TMEM50B: variants seen among roughly 807,000 people sequenced by gnomAD.
The protein encoded by TMEM50B is transmembrane protein 50B.
Under a neutral mutation model 23.4 loss-of-function variants are expected in TMEM50B, and 14 were observed. The observed-to-expected ratio is 0.60, with a 90% CI of 0.39 to 0.93. TMEM50B has a LOEUF of 0.93. Among genes scored for constraint, TMEM50B ranks in the 40% least tolerant of loss-of-function variants. The probability of loss-of-function intolerance (pLI) is 0.00; values close to 1 mark genes in which losing one functional copy is unlikely to be tolerated. For synonymous variants in TMEM50B, 64 were observed against 62.3 expected, an observed-to-expected ratio of 1.03 and a Z score of -0.13; for missense variants, 159 against 193.0, an observed-to-expected ratio of 0.82 and a Z score of 1.04.
intron 4 of TMEM50B, 124 bp downstream of exon 4, chr21:33,465,218 A>G: frequency 1.6e-6 from 1 of 616,760 alleles, no homozygotes; most frequent in South Asian, 2.8e-5. Flanking sequence ...TTTGTTTTAA[A>G]GCAAATAAAA....
rs781476011 is a variant in TMEM50B at position 33,465,455 on chromosome 21, AAAATACTC to A, written c.213-54_213-47del. The A allele has an allele frequency of 2.1e-6, 3 of 1,417,366 alleles. No individual in the cohort carries two copies. The Admixed American group carries it at 5.4e-5, about 25-fold the overall frequency. The allele number at this position is 1,417,366 out of a possible 1,614,324, so 87.8% of individuals were successfully genotyped here. On this transcript the variant is annotated intron_variant, in intron 3 of 6. Coordinates refer to ENST00000542230, the MANE Select transcript of TMEM50B (RefSeq NM_006134.7). ...CAAATGAATTTCAGTATTCGCTGTT[AAAATACTC>A]AAATATTTATATAACACTTAGACGG... is the stretch of plus-strand genomic sequence containing the variant.
intron 6 of TMEM50B, among the ~76,000 whole-genome samples, chr21:33,451,160 C>G (rs898749090): frequency 6.6e-6 from 1 of 152,150 alleles, no homozygotes; most frequent in African/African-American, 2.4e-5. Flanking sequence ...ATCAATAAAT[C>G]AAAAGAAAAA....
chr21:33,473,250 C>G (rs2084334211), intron 1 of TMEM50B, among the ~76,000 whole-genome samples: 1 of 151,938 alleles, frequency 6.6e-6, no homozygotes. Context: ...GCCAGGAGTT[C>G]AAGACCAGCC....
intron 1 of TMEM50B, among the ~76,000 whole-genome samples, chr21:33,470,668 C>CGG (rs1439984379): frequency 6.6e-6 from 1 of 151,888 alleles, no homozygotes; most frequent in African/African-American, 2.4e-5. Flanking sequence ...ACCCGGGAGG[C>CGG]GGGGCTTGCA....
intron 5 of TMEM50B, among the ~76,000 whole-genome samples, chr21:33,459,136 G>A (rs183099193): frequency 1.3e-5 from 2 of 152,318 alleles, no homozygotes; most frequent in African/African-American, 2.4e-5. Flanking sequence ...CCTGTCTTAG[G>A]AGCAAAGGAA....
At chr21:33,433,483 G>A (rs1279301333) in intron 8 of TMEM50B, among the ~76,000 whole-genome samples, 1 of 152,146 alleles carries the variant, frequency 6.6e-6, no homozygotes, top group African/African-American at 2.4e-5. Flanking sequence ...TGGACCTTGA[G>A]GACATTATGC....
chr21:33,454,677 T>TC (rs949506107), intron 6 of TMEM50B, among the ~76,000 whole-genome samples: 5 of 152,112 alleles, frequency 3.3e-5, no homozygotes, highest in African/African-American at 4.8e-5. Flanking sequence ...ATTTTTTTTT[T>TC]CCCGAAAGGC....
chr21:33,459,137 A>T (rs2084195307), intron 5 of TMEM50B, among the ~76,000 whole-genome samples: 1 of 152,180 alleles, frequency 6.6e-6, no homozygotes, highest in African/African-American at 2.4e-5. Flanking sequence ...CTGTCTTAGG[A>T]GCAAAGGAAG....
rs1395440716 is a variant in TMEM50B, at chr21:33,449,842, A to G, written c.*976T>C. 1 of 152,664 alleles carries G rather than the reference A, an allele frequency of 6.6e-6. No individual in the cohort carries two copies. The highest frequency in any genetic ancestry group is 1.5e-5 in the Non-Finnish European group (1 of 68,044). 9.5% of individuals were successfully genotyped at this position (152,664 alleles called of 1,614,324 possible). A position where few individuals can be genotyped will look rare whatever the true frequency, so the allele number is the denominator to read the frequency against. ...TTGTCAAAAGATAACCCCAGTGGAT[A>G]TTTGAAGCTGCTTTTACGAGAAGCA... is the stretch of plus-strand genomic sequence containing the variant. On this transcript the variant is annotated 3_prime_UTR_variant, in exon 7 of 7. Coordinates refer to ENST00000542230, the MANE Select transcript of TMEM50B (RefSeq NM_006134.7).
intron 4 of TMEM50B, among the ~76,000 whole-genome samples, chr21:33,461,729 TGA>T (rs2084218555): frequency 6.6e-6 from 1 of 151,716 alleles, no homozygotes; most frequent in African/African-American, 2.4e-5. Context: ...TGCTTGAACC[TGA>T]GAGGCAGAGG....
At chr21:33,464,129 A>G (rs1220795187) in intron 4 of TMEM50B, among the ~76,000 whole-genome samples, 1 of 151,988 alleles carries the variant, frequency 6.6e-6, no homozygotes, top group Non-Finnish European at 1.5e-5. Context: ...TCCACCACTT[A>G]CTTGCTCTGT....
intron 3 of TMEM50B, 122 bp downstream of exon 3, chr21:33,466,888 T>C: frequency 1.4e-6 from 1 of 697,978 alleles, no homozygotes; most frequent in East Asian, 2.8e-5. Flanking sequence ...GAATTATGTA[T>C]GTATCATGTT....
Position 33,470,237 on chromosome 21 carries a change from C to T in TMEM50B, c.-41-1311G>A, listed in dbSNP as rs533518491. Reference sequence around the variant, plus strand: ...CTATAATCCCAGCACTTCAGGAGGCCGAGGCGGGTGGATCATTTGAGGTCA... The same window carrying T: ...CTATAATCCCAGCACTTCAGGAGGCTGAGGCGGGTGGATCATTTGAGGTCA... On this transcript the variant is annotated intron_variant, in intron 1 of 6. Transcript: ENST00000542230. Among the ~76,000 whole-genome samples, 7 of 151,964 alleles carry T rather than the reference C, an allele frequency of 4.6e-5. No individual in the cohort carries two copies. The South Asian group carries it at 1.2e-3, about 27-fold the overall frequency.
Position 33,456,211 on chromosome 21 carries a change from T to G in TMEM50B, c.374-427A>C, listed in dbSNP as rs1479098570. The stretch of plus-strand genomic sequence containing the variant: ...TTTTTTGTGTTTGTTTTTAAAGAAA[T>G]GGGGCCTCACTATATTGCCCAGACT... On this transcript the variant is annotated intron_variant, in intron 5 of 6. Coordinates refer to ENST00000542230, the MANE Select transcript of TMEM50B (RefSeq NM_006134.7). 3.2e-5 allele frequency: 14 copies of G among 432,616 alleles called. No individual in the cohort carries two copies. In the East Asian group the frequency reaches 9.8e-4, roughly 30 times the overall value. The allele number at this position is 432,616 out of a possible 1,614,324, so 26.8% of individuals were successfully genotyped here. A position where few individuals can be genotyped will look rare whatever the true frequency, so the allele number is the denominator to read the frequency against.
Position 33,455,712 on chromosome 21 carries a change from A to G in TMEM50B, c.431+15T>C. On this transcript the variant is annotated intron_variant, in intron 6 of 6. Coordinates refer to ENST00000542230, the MANE Select transcript of TMEM50B (RefSeq NM_006134.7). The stretch of plus-strand genomic sequence containing the variant: ...GTAAATGTTACAGGCGTGGTTAAAA[A>G]ATAAGGCAACTTACCTAAAAAATAT... 2 of 1,609,264 alleles carry G rather than the reference A, an allele frequency of 1.2e-6. No homozygotes were observed. Among genetic ancestry groups the G allele is most frequent in the Non-Finnish European group, 1.7e-6 (2 of 1,175,724 alleles).
chr21:33,454,345 C>G (rs1459004429), intron 6 of TMEM50B, among the ~76,000 whole-genome samples: 1 of 152,036 alleles, frequency 6.6e-6, no homozygotes, highest in African/African-American at 2.4e-5. Context: ...GTCACCCAAG[C>G]TGAAATGCAG....
downstream of TMEM50B, among the ~76,000 whole-genome samples, chr21:33,448,011 T>C (rs2084080963): frequency 6.6e-6 from 1 of 152,114 alleles, no homozygotes; most frequent in Non-Finnish European, 1.5e-5. Flanking sequence ...TTTTATTTTC[T>C]AGACGGAGTC....
At chr21:33,461,524 C>G (rs1005102642) in intron 4 of TMEM50B, among the ~76,000 whole-genome samples, 2 of 152,062 alleles carry the variant, frequency 1.3e-5, no homozygotes, top group Non-Finnish European at 2.9e-5. Flanking sequence ...TCCTTAAAGG[C>G]GGGGCATGGT....
chr21:33,459,308 T>A (rs2084196805), intron 5 of TMEM50B, among the ~76,000 whole-genome samples: 1 of 152,210 alleles, frequency 6.6e-6, no homozygotes, highest in African/African-American at 2.4e-5. Context: ...TGTTTCTGTA[T>A]GAAGAGTATA....
Sources: allele counts gnomAD v4.1 joint callset (sites outside exome capture counted in the v4.1 genomes callset), GRCh38; gene constraint gnomAD v4.1.1; transcripts MANE v1.5; gene names NCBI Gene and HGNC (gene_info 2026-07-23, HGNC 2026-07-21).